Variants in SCP2 observed in about 807,000 individuals in gnomAD.
SCP2 encodes SCP-2/3-oxoacyl-CoA thiolase.
Under a neutral mutation model 71.4 loss-of-function variants are expected in SCP2, and 48 were observed. That is an observed-to-expected ratio of 0.67 (90% CI 0.53 to 0.86). The LOEUF (loss-of-function observed/expected upper bound fraction) is 0.86, where lower values mean the gene tolerates loss of function less well. Ranked by LOEUF, SCP2 falls within the 40% of genes least tolerant of loss-of-function variation. The probability of loss-of-function intolerance (pLI) is 0.00; values close to 1 mark genes in which losing one functional copy is unlikely to be tolerated. For missense variants in SCP2, 560 were observed against 655.6 expected (o/e 0.85, Z 1.59); for synonymous variants, 220 against 218.1 (o/e 1.01, Z -0.08).
intron 5 of SCP2, 38 bp from the exon 6 acceptor site, chr1:52,961,465 A>AT: frequency 6.2e-7 from 1 of 1,609,602 alleles, no homozygotes; most frequent in East Asian, 2.2e-5. Context: ...GACACTTATC[A>AT]TGTCAGCTGC....
intron 1 of SCP2, among the ~76,000 whole-genome samples, chr1:52,935,599 A>AAG (rs1553141351): frequency 2.8e-4 from 43 of 151,132 alleles, no homozygotes; most frequent in African/African-American, 9.8e-4. Context: ...AAAAAAAAAA[A>AAG]AAAGAAAAAA....
intron 14 of SCP2, 44 bp downstream of exon 14, chr1:53,039,090 A>G: frequency 1.2e-6 from 2 of 1,612,528 alleles, no homozygotes; most frequent in Non-Finnish European, 1.7e-6. Flanking sequence ...TGACGAGTTT[A>G]CGAAGGCTGT....
At chr1:52,994,060 C>A in intron 11 of SCP2, 1 of 1,140,824 alleles carries the variant, frequency 8.8e-7, no homozygotes, top group Non-Finnish European at 1.1e-6. Context: ...AAATGTTGTG[C>A]CCAATGCTAC....
At chr1:52,995,830 C>A in intron 11 of SCP2, 2 of 1,031,016 alleles carry the variant, frequency 1.9e-6, no homozygotes, top group South Asian at 2.8e-5. Context: ...TCTTCAGGTG[C>A]ATCTTGGAGC....
chr1:52,987,424 AT>A (rs1012756213), intron 10 of SCP2, among the ~76,000 whole-genome samples: 1 of 152,162 alleles, frequency 6.6e-6, no homozygotes, highest in Non-Finnish European at 1.5e-5. Flanking sequence ...GTGGAAGACA[AT>A]TTTATACAAT....
chr1:53,027,076 C>T (rs2150244763), intron 12 of SCP2, among the ~76,000 whole-genome samples: 1 of 151,870 alleles, frequency 6.6e-6, no homozygotes, highest in Middle Eastern at 3.4e-3. Flanking sequence ...GTAGCTAGGA[C>T]TACAGACACA....
intron 6 of SCP2, among the ~76,000 whole-genome samples, chr1:52,974,201 A>C (rs564411355): frequency 6.6e-6 from 1 of 151,668 alleles, no homozygotes; most frequent in African/African-American, 2.4e-5. Context: ...GTAAAAAAAA[A>C]TTTTTTTTGC....
intron 2 of SCP2, among the ~76,000 whole-genome samples, chr1:52,943,079 A>T (rs538409420): frequency 2.0e-5 from 3 of 152,182 alleles, no homozygotes; most frequent in Admixed American, 2.0e-4. Context: ...CCAATACTTG[A>T]TTTCTGTACT....
intron 13 of SCP2, among the ~76,000 whole-genome samples, chr1:53,034,695 A>C (rs1288150093): frequency 6.6e-6 from 1 of 152,200 alleles, no homozygotes; most frequent in Admixed American, 6.5e-5. Context: ...TTAGAAACAG[A>C]GGTTAGTATC....
chr1:52,982,768 A>G (rs1658650855), intron 10 of SCP2, among the ~76,000 whole-genome samples: 2 of 152,102 alleles, frequency 1.3e-5, no homozygotes, highest in Non-Finnish European at 2.9e-5. Context: ...CATATGTGTT[A>G]TATCTATTTA....
Position 52,993,255 on chromosome 1 carries a change from AAGG to A in SCP2, c.1081+5124_1081+5126del, listed in dbSNP as rs767629783. ...TTTTCTTTCCGTGTTGGTTCTGGTG[AAGG>A]AGGACATTCCTGCTCTTGAAATTTC... On this transcript the variant is annotated intron_variant, in intron 11 of 15. Coordinates refer to ENST00000371514, the MANE Select transcript of SCP2 (RefSeq NM_002979.5). 1.9e-6 allele frequency: 3 copies of A among 1,614,176 alleles called. No individual in the cohort carries two copies. In the East Asian group the frequency reaches 6.7e-5, roughly 36 times the overall value.
At chr1:52,947,171 C>A (rs1654881521) in intron 2 of SCP2, among the ~76,000 whole-genome samples, 1 of 143,066 alleles carries the variant, frequency 7.0e-6, no homozygotes, top group Non-Finnish European at 1.5e-5. Flanking sequence ...CGCCTAAGCC[C>A]AGGAGTTTGA....
chr1:53,005,510 G>C (rs952405534), intron 11 of SCP2, among the ~76,000 whole-genome samples: 4 of 152,110 alleles, frequency 2.6e-5, no homozygotes, highest in Non-Finnish European at 5.9e-5. Context: ...AGGCAAACAG[G>C]GTCTGGAGTG....
Position 52,950,783 on chromosome 1 carries a change from C to G in SCP2, c.228C>G (p.Ile76Met). ...ACTCTACCTGTGGGCAGAGGGCTAT[C>G]TATCACAGTTTGGGAATGACTGGAA... The part of the protein sequence containing the change: ...FGDSTCGQRA[I>M]YHSLGMTGIP... The change falls in exon 4 of 16, where the codon ATC (isoleucine) becomes ATG (methionine). Residue 76 changes from isoleucine to methionine, a missense_variant. Physicochemically the swap from Ile to Met is conservative, Grantham distance 10 (BLOSUM62 1). This residue lies in a region of SCP2 where 513 missense variants were observed against 573.1 expected (regional missense o/e 0.90). Transcript: ENST00000371514. 6 of 1,613,626 alleles carry G rather than the reference C, an allele frequency of 3.7e-6. No homozygotes were observed. Among genetic ancestry groups the G allele is most frequent in the Non-Finnish European group, 4.2e-6 (5 of 1,179,616 alleles).
At chr1:52,960,469 C>G (rs954685402) in intron 5 of SCP2, among the ~76,000 whole-genome samples, 8 of 135,136 alleles carry the variant, frequency 5.9e-5, no homozygotes, top group African/African-American at 2.4e-4. Context: ...CCATGCCTGG[C>G]TACTATGTAT....
chr1:53,037,922 A>ACACACACACAC lies in SCP2; in HGVS notation c.1339-987_1339-986insCACCACACACA, dbSNP rs778637730. Among the ~76,000 whole-genome samples, 281 of 133,958 alleles carry ACACACACACAC rather than the reference A, an allele frequency of 2.1e-3. 3 individuals carry two copies. Among genetic ancestry groups the ACACACACACAC allele is most frequent in the African/African-American group, 6.6e-3 (234 of 35,618 alleles). The allele number at this position is 133,958 out of a possible 152,430, so 87.9% of individuals were successfully genotyped here. A position where few individuals can be genotyped will look rare whatever the true frequency, so the allele number is the denominator to read the frequency against. On this transcript the variant is annotated intron_variant, in intron 13 of 15. Transcript: ENST00000371514. ...CACACACACACACACACACACACAC[A>ACACACACACAC]CACACACAGATCCAGATCCTGTCTC...
intron 15 of SCP2, chr1:53,048,857 A>G (rs1234630971): frequency 6.6e-6 from 1 of 152,234 alleles, no homozygotes; most frequent in African/African-American, 2.4e-5. Flanking sequence ...ATTAATAAAA[A>G]AGAAACTAAG....
At chr1:53,000,578 A>G (rs1330753603) in intron 11 of SCP2, among the ~76,000 whole-genome samples, 1 of 152,264 alleles carries the variant, frequency 6.6e-6, no homozygotes, top group African/African-American at 2.4e-5. Flanking sequence ...CTTATTGTGC[A>G]CCCACCTCAT....
Position 53,014,924 on chromosome 1 carries a change from G to A in SCP2, c.1116G>A (p.Leu372=), listed in dbSNP as rs191994831. Residue 372 remains leucine, a synonymous_variant, in exon 12 of 16, where the codon CTG becomes CTA. Transcript: ENST00000371514. ...AGTGTGCAGAACTCTGCTGGCAGCT[G>A]AGAGGGGAAGCCGGAAAGAGGCAAG... ...LAQCAELCWQ[L]RGEAGKRQVP... The A allele has an allele frequency of 1.2e-5, 20 of 1,613,694 alleles. No individual in the cohort carries two copies. The Admixed American group carries it at 3.0e-4, about 24-fold the overall frequency.
Sources: allele counts gnomAD v4.1 joint callset (sites outside exome capture counted in the v4.1 genomes callset), GRCh38; gene constraint gnomAD v4.1.1; regional missense constraint gnomAD v4.1.1; transcripts MANE v1.5; gene names NCBI Gene and HGNC (gene_info 2026-07-23, HGNC 2026-07-21).